Variants in MARVELD3 observed in about 807,000 individuals in gnomAD.
MARVELD3 encodes MARVEL domain-containing protein 3.
Under a neutral mutation model 33.5 loss-of-function variants are expected in MARVELD3, and 28 were observed. The ratio of observed to expected loss-of-function variants is 0.84; its 90% CI spans 0.62 to 1.15. The LOEUF (loss-of-function observed/expected upper bound fraction) is 1.15. MARVELD3 is among the 50% of genes most tolerant of loss of function. MARVELD3 has a pLI of 0.00. For missense variants in MARVELD3, 582 were observed against 547.6 expected (o/e 1.06, Z -0.63); for synonymous variants, 241 against 230.4 (o/e 1.05, Z -0.42).
downstream of MARVELD3, chr16:71,640,989 A>G: frequency 6.2e-7 from 1 of 1,611,968 alleles, no homozygotes; most frequent in Non-Finnish European, 8.5e-7. Flanking sequence ...CGGAAGTTAC[A>G]GTGATGCACC....
At chr16:71,633,643 C>A (rs921781923) in intron 2 of MARVELD3, among the ~76,000 whole-genome samples, 5 of 151,968 alleles carry the variant, frequency 3.3e-5, no homozygotes, top group African/African-American at 1.2e-4. Context: ...GATCCACCTG[C>A]CTTGGCCTCC....
chr16:71,637,370 A>T (rs2044588153), downstream of MARVELD3, among the ~76,000 whole-genome samples: 1 of 152,182 alleles, frequency 6.6e-6, no homozygotes, highest in Admixed American at 6.5e-5. Flanking sequence ...ATTAACGTCC[A>T]TGAAGAAGGA....
intron 2 of MARVELD3, among the ~76,000 whole-genome samples, chr16:71,631,419 C>A (rs1236084971): frequency 6.6e-6 from 1 of 151,706 alleles, no homozygotes. Context: ...TCTACATTTT[C>A]TTTTTTTGTT....
chr16:71,628,993 A>G (rs2044501670), intron 1 of MARVELD3: 1 of 177,222 alleles, frequency 5.6e-6, no homozygotes, highest in Admixed American at 6.3e-5. Flanking sequence ...AAAGGGAGGA[A>G]GAGAATGCCT....
Position 71,629,470 on chromosome 16 carries a change from T to C in MARVELD3, c.571T>C (p.Cys191Arg), listed in dbSNP as rs2044507017. The C allele has an allele frequency of 6.4e-7, 1 of 1,574,390 alleles. No homozygotes were observed. Among genetic ancestry groups the C allele is most frequent in the Non-Finnish European group, 8.6e-7 (1 of 1,164,954 alleles). The change falls in exon 2 of 3, where the codon TGC becomes CGC. Residue 191 changes from cysteine to arginine, a missense_variant. Coordinates refer to ENST00000268485, the MANE Select transcript of MARVELD3 (RefSeq NM_052858.6). ...EAEGLLECHK[C>R]KYLCTGRACC... is the part of the protein sequence containing the mutation. ...GGAAGGACTCCTGGAATGCCACAAA[T>C]GCAAATACTTGTGCACTGGGAGAGG...
intron 2 of MARVELD3, among the ~76,000 whole-genome samples, chr16:71,633,832 C>T (rs1421283974): frequency 2.6e-5 from 4 of 152,144 alleles, no homozygotes; most frequent in East Asian, 3.9e-4. Context: ...CCACCTCGCC[C>T]GGCCTTGTTT....
At chr16:71,640,442 C>T (rs117388624), downstream of MARVELD3, 7,666 of 1,614,098 alleles carry the variant, frequency 4.7e-3, 24 homozygotes, top group Non-Finnish European at 5.7e-3. Flanking sequence ...TCATATGCAT[C>T]GTGGCCTCCT....
rs2044559576 is a variant in MARVELD3, at chr16:71,634,227, G to A, written c.630G>A (p.Leu210=). The change falls in exon 3 of 3, where the codon TTG becomes TTA. Residue 210 remains leucine (L), a synonymous_variant. Coordinates refer to ENST00000268485, the MANE Select transcript of MARVELD3 (RefSeq NM_052858.6). The part of the protein sequence containing the change: ...CCQMLEVLLN[L]LILACSSVSY... Reference sequence around the variant, plus strand: ...AAATGCTGGAGGTTCTCCTGAACTTGCTGATCCTGGCCTGCAGCTCTGTGT... The same window carrying A: ...AAATGCTGGAGGTTCTCCTGAACTTACTGATCCTGGCCTGCAGCTCTGTGT... The A allele has an allele frequency of 6.2e-7, 1 of 1,609,290 alleles. No individual in the cohort carries two copies.
intron 2 of MARVELD3, among the ~76,000 whole-genome samples, chr16:71,633,352 T>A (rs2044550484): frequency 6.6e-6 from 1 of 152,134 alleles, no homozygotes; most frequent in Admixed American, 6.5e-5. Flanking sequence ...ACAGAGACCT[T>A]GTCTCAAAAA....
At chr16:71,637,135 C>G (rs1036027778), downstream of MARVELD3, among the ~76,000 whole-genome samples, 2 of 152,166 alleles carry the variant, frequency 1.3e-5, no homozygotes, top group African/African-American at 2.4e-5. Flanking sequence ...TGGCTGGAAC[C>G]TGGGATAATA....
rs984862457 is a variant in MARVELD3, at chr16:71,634,949, G to A, written c.*146G>A. The A allele has an allele frequency of 1.4e-6, 2 of 1,434,604 alleles. No individual in the cohort carries two copies. The highest frequency in any genetic ancestry group is 1.8e-6 in the Non-Finnish European group (2 of 1,096,878). The allele number at this position is 1,434,604 out of a possible 1,614,324, so 88.9% of individuals were successfully genotyped here. A position where few individuals can be genotyped will look rare whatever the true frequency, so the allele number is the denominator to read the frequency against. On this transcript the variant is annotated 3_prime_UTR_variant, in exon 3 of 3. Coordinates refer to ENST00000268485, the MANE Select transcript of MARVELD3 (RefSeq NM_052858.6). ...GGTGTGGTGGGCGGAGCTCCCAGTC[G>A]CATGGAGCGGTGTTCATGGATGCAA...
rs2044578093 is a variant in MARVELD3 at position 71,635,822 on chromosome 16, CG to C, written c.*1020del. 1 of 985,316 alleles carries C rather than the reference CG, an allele frequency of 1.0e-6. No homozygotes were observed. The highest frequency in any genetic ancestry group is 1.2e-6 in the Non-Finnish European group (1 of 829,934). The allele number at this position is 985,316 out of a possible 1,614,324, so 61.0% of individuals were successfully genotyped here. On this transcript the variant is annotated 3_prime_UTR_variant, in exon 3 of 3. Coordinates refer to ENST00000268485, the MANE Select transcript of MARVELD3 (RefSeq NM_052858.6). ...CTGTAAAATTGAAGTTGGAGGTAGG[CG>C]TGGGCTGAGGAAAGAGGAATCAGAT...
chr16:71,633,293 T>C (rs1201482859), intron 2 of MARVELD3, among the ~76,000 whole-genome samples: 1 of 152,008 alleles, frequency 6.6e-6, no homozygotes, highest in Non-Finnish European at 1.5e-5. Context: ...GCCTGGGAGG[T>C]CAAGGCTATA....
At chr16:71,631,473 T>C (rs1270103499) in intron 2 of MARVELD3, among the ~76,000 whole-genome samples, 2 of 152,108 alleles carry the variant, frequency 1.3e-5, no homozygotes, top group Non-Finnish European at 2.9e-5. Flanking sequence ...TTTGAGAGTC[T>C]TGCTCTGTAG....
chr16:71,627,529 G>C (rs923578211), intron 1 of MARVELD3, among the ~76,000 whole-genome samples: 1 of 152,124 alleles, frequency 6.6e-6, no homozygotes, highest in African/African-American at 2.4e-5. Flanking sequence ...AGTCAGATGG[G>C]AGACGCTACA....
At chr16:71,628,901 G>A (rs181128325) in intron 1 of MARVELD3, among the ~76,000 whole-genome samples, 2 of 152,316 alleles carry the variant, frequency 1.3e-5, no homozygotes, top group East Asian at 3.9e-4. Context: ...AGGAGGAAAT[G>A]ATGTGATGAT....
At chr16:71,634,019 G>T (rs994485215) in intron 2 of MARVELD3, among the ~76,000 whole-genome samples, 174 bp from the exon 3 acceptor site, 2 of 152,138 alleles carry the variant, frequency 1.3e-5, no homozygotes, top group South Asian at 2.1e-4. Context: ...CATTTCTGGA[G>T]ACCACAGTTC....
Position 71,626,441 on chromosome 16 carries a change from G to T in MARVELD3, c.212G>T (p.Arg71Leu). Residue 71 changes from arginine (R) to leucine (L), a missense_variant, in exon 1 of 3, where the codon CGG becomes CTG. Coordinates refer to ENST00000268485, the MANE Select transcript of MARVELD3 (RefSeq NM_052858.6). This position sits in a 1 kb window ranked among gnomAD's most constrained non-coding sequence, Gnocchi z 5.3. ...RDQERDGNRD[R>L]NRDRERERER... ...CAGGAGAGGGACGGGAACCGCGACC[G>T]GAACCGGGACCGGGAGAGGGAGAGA... The T allele has an allele frequency of 6.5e-7, 1 of 1,548,758 alleles. No individual in the cohort carries two copies. The highest frequency in any genetic ancestry group is 8.7e-7 in the Non-Finnish European group (1 of 1,146,480).
intron 1 of MARVELD3, chr16:71,629,077 A>C: frequency 2.9e-6 from 1 of 350,564 alleles, no homozygotes. Context: ...GAGAACTTGC[A>C]CTCACAGGAA....
Sources: allele counts gnomAD v4.1 joint callset (sites outside exome capture counted in the v4.1 genomes callset), GRCh38; gene constraint gnomAD v4.1.1; non-coding constraint Gnocchi (gnomAD v3.1); transcripts MANE v1.5; gene names NCBI Gene and HGNC (gene_info 2026-07-23, HGNC 2026-07-21).